PDZD2: variants seen among roughly 807,000 people sequenced by gnomAD.
PDZD2 encodes the protein PDZ domain containing 2.
PDZD2 carries 90 observed loss-of-function variants against 220.7 expected under a neutral mutation model. The ratio of observed to expected loss-of-function variants is 0.41; its 90% confidence interval spans 0.34 to 0.49. The LOEUF (loss-of-function observed/expected upper bound fraction) is 0.49, where lower values mean the gene tolerates loss of function less well. Among genes scored for constraint, PDZD2 ranks in the 20% least tolerant of loss-of-function variants. The pLI is 0.28. For synonymous variants in PDZD2, 1,375 were observed against 1,450.5 expected (o/e 0.95, Z 1.18); for missense variants, 3,174 against 3,608.5 (o/e 0.88, Z 3.08).
At chr5:31,812,763 A>G (rs1755197431) in intron 2 of PDZD2, among the ~76,000 whole-genome samples, 1 of 152,232 alleles carries the variant, frequency 6.6e-6, no homozygotes, top group South Asian at 2.1e-4. Flanking sequence ...TTTAATATAC[A>G]GAGATGAGGG....
chr5:31,792,642 T>C (rs1431227909), intron 1 of PDZD2, among the ~76,000 whole-genome samples: 1 of 151,962 alleles, frequency 6.6e-6, no homozygotes, highest in Non-Finnish European at 1.5e-5. Flanking sequence ...GATCTCGAGT[T>C]TCTGACCTCA....
intron 2 of PDZD2, among the ~76,000 whole-genome samples, chr5:31,805,853 C>T (rs1203987382): frequency 6.6e-6 from 1 of 152,156 alleles, no homozygotes; most frequent in Non-Finnish European, 1.5e-5. Flanking sequence ...CAAATTCGGT[C>T]ACAGACTCAA....
intron 7 of PDZD2, among the ~76,000 whole-genome samples, chr5:32,038,245 T>C (rs1308174833): frequency 2.5e-5 from 3 of 121,136 alleles, no homozygotes; most frequent in South Asian, 3.2e-4. Context: ...AAGATACAGC[T>C]GGAGGCCGGG....
intron 7 of PDZD2, among the ~76,000 whole-genome samples, chr5:32,043,372 G>A (rs1737602563): frequency 6.6e-6 from 1 of 152,246 alleles, no homozygotes; most frequent in South Asian, 2.1e-4. Flanking sequence ...CAGCAGAACA[G>A]GGTCGGTTCC....
intron 2 of PDZD2, among the ~76,000 whole-genome samples, chr5:31,869,752 G>GC (rs1738603601): frequency 6.6e-6 from 1 of 152,130 alleles, no homozygotes; most frequent in Non-Finnish European, 1.5e-5. Flanking sequence ...GTCTCTTACA[G>GC]CCCTCTCTGG....
At chr5:32,020,649 T>TC (rs1227746477) in intron 6 of PDZD2, among the ~76,000 whole-genome samples, 1 of 110,640 alleles carries the variant, frequency 9.0e-6, no homozygotes, top group Non-Finnish European at 2.3e-5. Context: ...GATCTTTTTT[T>TC]TTTTCTTTTT....
At chr5:31,865,471 C>T (rs1386055417) in intron 2 of PDZD2, among the ~76,000 whole-genome samples, 1 of 151,586 alleles carries the variant, frequency 6.6e-6, no homozygotes, top group East Asian at 1.9e-4. Flanking sequence ...CACCACCTCA[C>T]CCAGCTCATT....
At chr5:31,697,235 G>T (rs562861300) in intron 1 of PDZD2, among the ~76,000 whole-genome samples, 3 of 152,336 alleles carry the variant, frequency 2.0e-5, no homozygotes, top group African/African-American at 4.8e-5. Context: ...GGCCAAGGTG[G>T]GTGGATCACC....
chr5:31,692,284 A>G (rs1747174038), intron 1 of PDZD2, among the ~76,000 whole-genome samples: 1 of 152,130 alleles, frequency 6.6e-6, no homozygotes, highest in South Asian at 2.1e-4. Context: ...GCCTACGCCC[A>G]CTCGGAACTT....
intron 2 of PDZD2, among the ~76,000 whole-genome samples, chr5:31,956,948 T>C (rs1281076962): frequency 6.6e-6 from 1 of 152,144 alleles, no homozygotes; most frequent in African/African-American, 2.4e-5. Context: ...TAAAGTGCAG[T>C]GACACGATCA....
chr5:32,023,226 C>T (rs1445099301), intron 6 of PDZD2, among the ~76,000 whole-genome samples: 1 of 152,156 alleles, frequency 6.6e-6, no homozygotes, highest in Non-Finnish European at 1.5e-5. Context: ...GTCATCCCCT[C>T]CTGCTCACTT....
At chr5:31,914,594 G>A (rs891410721) in intron 2 of PDZD2, among the ~76,000 whole-genome samples, 2 of 152,186 alleles carry the variant, frequency 1.3e-5, no homozygotes, top group African/African-American at 4.8e-5. Context: ...AAATTTAGGA[G>A]TAGATAGAAC....
At chr5:31,806,033 A>G (rs1010762352) in intron 2 of PDZD2, among the ~76,000 whole-genome samples, 1 of 152,222 alleles carries the variant, frequency 6.6e-6, no homozygotes, top group African/African-American at 2.4e-5. Context: ...ACCGTGACAC[A>G]GTAAATCCCT....
rs575402594 is a variant in PDZD2 at position 32,075,622 on chromosome 5, T to C, written c.3537+979T>C. On this transcript the variant is annotated intron_variant, in intron 18 of 24. Transcript: ENST00000438447. ...ACGAGTATGTTAGAATATCAAATTG[T>C]TCATTTTTAAAAATGTTCAATATAC... Among the ~76,000 whole-genome samples, 15 of 152,346 alleles carry C rather than the reference T, an allele frequency of 9.8e-5. No homozygotes were observed. The South Asian group carries it at 3.1e-3, about 32-fold the overall frequency.
rs144031761 is a variant in PDZD2, at chr5:31,869,203, A to G, written c.476+69479A>G. Among the ~76,000 whole-genome samples the G allele has an allele frequency of 7.4e-3, 1,122 of 152,222 alleles. 8 individuals are homozygous for G. The highest frequency in any genetic ancestry group is 0.025 in the African/African-American group (1,057 of 41,522). ...CTTCAGGACAAATCCATTTACTTCT[A>G]CTGGTGAGAGGCTGGACTTGGTCAG... On this transcript the variant is annotated intron_variant, in intron 2 of 24. Transcript: ENST00000438447.
chr5:31,865,774 G>A (rs191793671), intron 2 of PDZD2, among the ~76,000 whole-genome samples: 2 of 150,906 alleles, frequency 1.3e-5, no homozygotes, highest in Admixed American at 1.3e-4. Context: ...TGAGATTACA[G>A]GCGCCCACCA....
At chr5:31,919,586 A>G (rs1414647226) in intron 2 of PDZD2, among the ~76,000 whole-genome samples, 8 of 151,804 alleles carry the variant, frequency 5.3e-5, no homozygotes, top group African/African-American at 1.9e-4. Flanking sequence ...ACCTCAGGTG[A>G]TCTGCCTGCC....
chr5:31,874,638 A>G (rs150231085), intron 2 of PDZD2, among the ~76,000 whole-genome samples: 1 of 151,858 alleles, frequency 6.6e-6, no homozygotes, highest in African/African-American at 2.4e-5. Flanking sequence ...GCACATGCCT[A>G]TAGTCCCAGC....
chr5:31,979,670 C>T (rs976417404), intron 2 of PDZD2, among the ~76,000 whole-genome samples: 1 of 152,064 alleles, frequency 6.6e-6, no homozygotes, highest in Non-Finnish European at 1.5e-5. Context: ...TCCTCTTATC[C>T]CCAGAATTCT....
Sources: allele counts gnomAD v4.1 joint callset (sites outside exome capture counted in the v4.1 genomes callset), GRCh38; gene constraint gnomAD v4.1.1; transcripts MANE v1.5; gene names NCBI Gene and HGNC (gene_info 2026-07-23, HGNC 2026-07-21).